GALNT18: variants seen among roughly 807,000 people sequenced by gnomAD.
The protein encoded by GALNT18 is polypeptide N-acetylgalactosaminyltransferase 18.
A neutral mutation model predicts 69.5 loss-of-function variants in GALNT18; 44 were observed. The ratio of observed to expected loss-of-function variants is 0.63; its 90% CI spans 0.50 to 0.81. GALNT18 has a LOEUF of 0.81. Ranked by LOEUF, GALNT18 falls within the 40% of genes least tolerant of loss-of-function variation. The pLI, the probability that GALNT18 is intolerant of heterozygous loss-of-function variation, is 0.00. For missense variants in GALNT18, 715 were observed against 810.0 expected (o/e 0.88, Z 1.42); for synonymous variants, 364 against 318.2 (o/e 1.14, Z -1.53).
chr11:11,389,888 G>A lies in GALNT18; in HGVS notation c.596-10624C>T, dbSNP rs531983523. ...AGTGCCCTTAGCAGTTAAGCCAGAG[G>A]CCAACTTGAATTTTGGTGCTGGCTT... On this transcript the variant is annotated intron_variant, in intron 3 of 10. Transcript: ENST00000227756. The surrounding 1 kb of genome is among the most constrained non-coding windows in gnomAD (Gnocchi z 4.3). 6.6e-6 allele frequency among the ~76,000 whole-genome samples: 1 copy of A among 152,248 alleles called. No homozygotes were observed. The highest frequency in any genetic ancestry group is 2.1e-4 in the South Asian group (1 of 4,822).
chr11:11,424,337 G>C (rs1201433173), intron 3 of GALNT18, among the ~76,000 whole-genome samples: 1 of 152,188 alleles, frequency 6.6e-6, no homozygotes, highest in Non-Finnish European at 1.5e-5. Context: ...AGGAGTGGGA[G>C]AGTAGAGGAG....
Position 11,604,104 on chromosome 11 carries a change from T to C in GALNT18, c.235+17255A>G, listed in dbSNP as rs1017053653. 2.0e-5 allele frequency among the ~76,000 whole-genome samples: 3 copies of C among 152,212 alleles called. No individual in the cohort carries two copies. The highest frequency in any genetic ancestry group is 2.0e-4 in the Admixed American group (3 of 15,288). ...CCCTCACCAAACACAGAATCCGCTA[T>C]GCCTTAATTTTGGACTTCCCAGCCT... is the stretch of plus-strand genomic sequence containing the variant. On this transcript the variant is annotated intron_variant, in intron 1 of 10. Coordinates refer to ENST00000227756, the MANE Select transcript of GALNT18 (RefSeq NM_198516.3). This position sits in a 1 kb window ranked among gnomAD's most constrained non-coding sequence, Gnocchi z 5.6.
rs1205462599 is a variant in GALNT18 at position 11,604,335 on chromosome 11, C to T, written c.235+17024G>A. Among the ~76,000 whole-genome samples the T allele has an allele frequency of 2.0e-5, 3 of 152,180 alleles. No individual in the cohort carries two copies. The highest frequency in any genetic ancestry group is 2.9e-5 in the Non-Finnish European group (2 of 68,032). On this transcript the variant is annotated intron_variant, in intron 1 of 10. Transcript: ENST00000227756. The surrounding 1 kb of genome is among the most constrained non-coding windows in gnomAD (Gnocchi z 5.6). ...TCCATCAGTGGCACTGTGCTGACCA[C>T]GCCATCCACACAGCTGGGTCTCAGT...
chr11:11,278,215 GAC>G (rs1195669603), intron 10 of GALNT18, among the ~76,000 whole-genome samples: 32 of 151,834 alleles, frequency 2.1e-4, no homozygotes, highest in Non-Finnish European at 3.4e-4. Context: ...AATGGTGGGA[GAC>G]TTTAACACCC....
At chr11:11,343,806 A>G (rs72863596) in intron 6 of GALNT18, among the ~76,000 whole-genome samples, 18,051 of 152,208 alleles carry the variant, frequency 0.12, 1,327 homozygotes, top group Admixed American at 0.19. Context: ...CTTCTTAAAG[A>G]GTAGGTTCAC....
chr11:11,359,201 C>A lies in GALNT18; in HGVS notation c.1092+13314G>T, dbSNP rs1850592760. On this transcript the variant is annotated intron_variant, in intron 6 of 10. Coordinates refer to ENST00000227756, the MANE Select transcript of GALNT18 (RefSeq NM_198516.3). ...TTTCCTTATGGCTAGCTGAGAACGG[C>A]CATGATACTAACAGTGAGCTGAGAT... Among the ~76,000 whole-genome samples the A allele has an allele frequency of 1.4e-5, 2 of 140,178 alleles. 1 individual carries two copies. The allele number at this position is 140,178 out of a possible 152,430, so 92.0% of individuals were successfully genotyped here.
intron 9 of GALNT18, among the ~76,000 whole-genome samples, chr11:11,323,646 C>T (rs775575317): frequency 1.2e-4 from 19 of 152,186 alleles, no homozygotes; most frequent in Non-Finnish European, 1.9e-4. Flanking sequence ...CATCATTCTT[C>T]CTTTTCTTGA....
intron 1 of GALNT18, among the ~76,000 whole-genome samples, chr11:11,580,537 T>C (rs1336185465): frequency 1.3e-5 from 2 of 152,246 alleles, no homozygotes; most frequent in Non-Finnish European, 2.9e-5. Context: ...TGTGGCCAGG[T>C]AGCTCAGCCA....
rs896554655 is a variant in GALNT18, at chr11:11,582,726, C to A, written c.235+38633G>T. ...ACCCAGTGGAAACTAACCAACACAG[C>A]CTTTCAGCCCTCATCAAAGGTGATG... is the stretch of plus-strand genomic sequence containing the variant. On this transcript the variant is annotated intron_variant, in intron 1 of 10. Coordinates refer to ENST00000227756, the MANE Select transcript of GALNT18 (RefSeq NM_198516.3). The surrounding 1 kb of genome is among the most constrained non-coding windows in gnomAD (Gnocchi z 5.0). Among the ~76,000 whole-genome samples, 4 of 152,230 alleles carry A rather than the reference C, an allele frequency of 2.6e-5. No homozygotes were observed. The highest frequency in any genetic ancestry group is 4.4e-5 in the Non-Finnish European group (3 of 68,050).
intron 3 of GALNT18, among the ~76,000 whole-genome samples, chr11:11,384,821 G>C (rs1474182409): frequency 1.3e-5 from 2 of 152,288 alleles, no homozygotes; most frequent in South Asian, 4.1e-4. Flanking sequence ...ATGGGACTTT[G>C]TTATAGCAGC....
intron 1 of GALNT18, among the ~76,000 whole-genome samples, chr11:11,551,622 C>A (rs904879970): frequency 2.1e-4 from 32 of 152,168 alleles, no homozygotes; most frequent in African/African-American, 7.5e-4. Context: ...TGAGAGCCAA[C>A]TGGGAGAGCC....
intron 1 of GALNT18, among the ~76,000 whole-genome samples, chr11:11,607,712 A>G (rs1565039212): frequency 6.6e-6 from 1 of 152,236 alleles, no homozygotes. Context: ...TGGCAGGAAG[A>G]TAGGCTGATG....
At chr11:11,577,924 G>A (rs1300265372) in intron 1 of GALNT18, among the ~76,000 whole-genome samples, 2 of 152,212 alleles carry the variant, frequency 1.3e-5, no homozygotes, top group Non-Finnish European at 2.9e-5. Context: ...GCATTTGGCA[G>A]GAAAAGGGCA....
rs11021798 is a variant in GALNT18, at chr11:11,314,802, T to C, written c.1512+12284A>G. On this transcript the variant is annotated intron_variant, in intron 9 of 10. Transcript: ENST00000227756. The surrounding 1 kb of genome is among the most constrained non-coding windows in gnomAD (Gnocchi z 5.2). ...TGGTAGAGAAAGCAGCGCTGCTGGG[T>C]GGTAGCCCTCCTCTTCCCAGCCTTC... is the stretch of plus-strand genomic sequence containing the variant. 0.1 allele frequency among the ~76,000 whole-genome samples: 15,247 copies of C among 152,236 alleles called. 878 individuals carry two copies. The highest frequency in any genetic ancestry group is 0.13 in the Non-Finnish European group (8,882 of 68,018).
At position 11,359,056 on chromosome 11, in the gene GALNT18, C is replaced by T. The variant is rs1850590211; in HGVS notation, c.1092+13459G>A. 2.1e-5 allele frequency among the ~76,000 whole-genome samples: 3 copies of T among 140,710 alleles called. No individual in the cohort carries two copies. The South Asian group carries it at 6.5e-4, about 30-fold the overall frequency. 92.3% of individuals were successfully genotyped at this position (140,710 alleles called of 152,430 possible). On this transcript the variant is annotated intron_variant, in intron 6 of 10. Transcript: ENST00000227756. ...TGTTGCATCTGGTGGTTTTCTGAGA[C>T]CTTTTCAGCAGAGGAAAAATGCTGG... is the stretch of plus-strand genomic sequence containing the variant.
chr11:11,386,394 C>G (rs910917863), intron 3 of GALNT18, among the ~76,000 whole-genome samples: 1 of 151,788 alleles, frequency 6.6e-6, no homozygotes, highest in African/African-American at 2.4e-5. Context: ...CAAATCTTGT[C>G]TCAGGATCTC....
At chr11:11,486,950 C>T (rs533787261) in intron 1 of GALNT18, among the ~76,000 whole-genome samples, 16 of 152,218 alleles carry the variant, frequency 1.1e-4, no homozygotes, top group Non-Finnish European at 2.2e-4. Context: ...GGTATGATGG[C>T]CAAGGCCCCT....
chr11:11,429,303 G>T (rs994560708), intron 3 of GALNT18, among the ~76,000 whole-genome samples: 2 of 151,938 alleles, frequency 1.3e-5, no homozygotes, highest in African/African-American at 4.8e-5. Flanking sequence ...TCTCTCACCT[G>T]CTAACGCTCT....
rs187008475 is a variant in GALNT18, at chr11:11,584,384, C to A, written c.235+36975G>T. Among the ~76,000 whole-genome samples, 154 of 152,194 alleles carry A rather than the reference C, an allele frequency of 1.0e-3. No individual in the cohort carries two copies. Among genetic ancestry groups the A allele is most frequent in the Non-Finnish European group, 1.5e-3 (100 of 68,012 alleles). On this transcript the variant is annotated intron_variant, in intron 1 of 10. Coordinates refer to ENST00000227756, the MANE Select transcript of GALNT18 (RefSeq NM_198516.3). The surrounding 1 kb of genome is among the most constrained non-coding windows in gnomAD (Gnocchi z 4.1). Reference sequence around the variant, plus strand: ...AAAAGTAAATCAAAGTAAACAGGAACCTTGGAGCCATCAGGTTACTGTTGG... The same window carrying A: ...AAAAGTAAATCAAAGTAAACAGGAAACTTGGAGCCATCAGGTTACTGTTGG...
Sources: gnomAD v4.1 joint callset for allele counts (sites outside exome capture counted in the v4.1 genomes callset) on GRCh38, gnomAD v4.1.1 for gene constraint, Gnocchi (gnomAD v3.1) non-coding constraint, MANE v1.5 for transcripts, NCBI Gene and HGNC (gene_info 2026-07-23, HGNC 2026-07-21) for gene names.